RAG1: variants seen among roughly 807,000 people sequenced by gnomAD.
RAG1 encodes the protein recombination activating 1.
A neutral mutation model predicts 62.7 loss-of-function variants in RAG1; 35 were observed. The ratio of observed to expected loss-of-function variants is 0.56; its 90% CI spans 0.43 to 0.74. RAG1 has a LOEUF of 0.74. Ranked by LOEUF, RAG1 falls within the 30% of genes least tolerant of loss-of-function variation. The pLI, the probability that RAG1 is intolerant of heterozygous loss-of-function variation, is 0.00. For synonymous variants in RAG1, 461 were observed against 470.3 expected, an observed-to-expected ratio of 0.98 and a Z score of 0.26; for missense variants, 1,169 against 1,278.6, an observed-to-expected ratio of 0.91 and a Z score of 1.31.
At chr11:36,537,341 T>G (rs1219149642), downstream of RAG1, among the ~76,000 whole-genome samples, 1 of 151,978 alleles carries the variant, frequency 6.6e-6, no homozygotes, top group African/African-American at 2.4e-5. Context: ...CATAAGAAAA[T>G]TTTCGGAGGT....
chr11:36,550,071 A>G (rs932435519), intron 3 of RAG1, among the ~76,000 whole-genome samples: 1 of 152,192 alleles, frequency 6.6e-6, no homozygotes. Flanking sequence ...CAATGAGAAC[A>G]CATGGACACA....
chr11:36,551,864 T>G (rs1471039035), intron 3 of RAG1, among the ~76,000 whole-genome samples: 1 of 146,694 alleles, frequency 6.8e-6, no homozygotes, highest in Non-Finnish European at 1.5e-5. Context: ...GGTGTTTGTT[T>G]TTTGTTCTTG....
chr11:36,531,054 T>C (rs1018792982), intron 2 of RAG1, among the ~76,000 whole-genome samples: 2 of 9,836 alleles, frequency 2.0e-4, no homozygotes, highest in Non-Finnish European at 7.9e-4. Flanking sequence ...TCTTGATAGA[T>C]TAAGGGTTTT....
intron 1 of RAG1, among the ~76,000 whole-genome samples, chr11:36,570,200 G>T (rs1850720438): frequency 6.6e-6 from 1 of 152,086 alleles, no homozygotes; most frequent in South Asian, 2.1e-4. Flanking sequence ...TTGCATCAAA[G>T]ATAATATATT....
intron 3 of RAG1, among the ~76,000 whole-genome samples, chr11:36,551,199 A>G (rs761373667): frequency 2.0e-5 from 3 of 152,132 alleles, no homozygotes; most frequent in Non-Finnish European, 2.9e-5. Flanking sequence ...TTCTAGCTGT[A>G]TGTGCCTCAA....
intron 1 of RAG1, among the ~76,000 whole-genome samples, chr11:36,518,882 A>G (rs1186865756): frequency 6.6e-6 from 1 of 152,102 alleles, no homozygotes; most frequent in African/African-American, 2.4e-5. Context: ...TTTTGTTGCC[A>G]TTGCTTTTGG....
downstream of RAG1, among the ~76,000 whole-genome samples, chr11:36,540,554 G>A (rs1012363829): frequency 2.6e-5 from 4 of 152,172 alleles, no homozygotes; most frequent in Admixed American, 2.6e-4. Context: ...ACAGGCGCCC[G>A]CCACCACGCA....
chr11:36,515,791 C>T (rs1367919358), intron 1 of RAG1, among the ~76,000 whole-genome samples: 1 of 152,176 alleles, frequency 6.6e-6, no homozygotes, highest in African/African-American at 2.4e-5. Context: ...GAAGCAGAGT[C>T]TGAGCCACCA....
chr11:36,511,109 A>G (rs940210599), intron 1 of RAG1: 1 of 152,156 alleles, frequency 6.6e-6, no homozygotes, highest in Non-Finnish European at 1.5e-5. Flanking sequence ...AATAGTATCT[A>G]CCTCACAGGG....
rs4151025 is a variant in RAG1, at chr11:36,573,607, G to A, written c.303G>A (p.Ala101=). ...FHDNEKARGK[A]IHQANLRHLC... ...ACAACGAGAAAGCAAGAGGCAAAGCGATCCATCAAGCCAACCTTCGACATC... is the reference window on the plus strand; with the variant it reads ...ACAACGAGAAAGCAAGAGGCAAAGCAATCCATCAAGCCAACCTTCGACATC... The change falls in exon 2 of 2, where the codon GCG becomes GCA. Residue 101 remains alanine (A), a synonymous_variant. Transcript: ENST00000299440. The A allele has an allele frequency of 0.022, 34,886 of 1,614,136 alleles. 477 individuals are homozygous for A. The highest frequency in any genetic ancestry group is 0.027 in the South Asian group (2,424 of 91,064).
chr11:36,565,820 T>C (rs1157756632), upstream of RAG1: 1 of 152,196 alleles, frequency 6.6e-6, no homozygotes, highest in Non-Finnish European at 1.5e-5. Flanking sequence ...GACAAGTGAC[T>C]TGATTTCAAC....
chr11:36,566,876 G>A (rs1263322958), upstream of RAG1, among the ~76,000 whole-genome samples: 2 of 152,212 alleles, frequency 1.3e-5, no homozygotes, highest in Admixed American at 6.5e-5. Context: ...GATGTAAGAG[G>A]AGCGTCGAAT....
intron 2 of RAG1, among the ~76,000 whole-genome samples, chr11:36,521,884 G>A (rs545627838): frequency 6.6e-6 from 1 of 152,236 alleles, no homozygotes; most frequent in Admixed American, 6.5e-5. Context: ...GATGCATTTT[G>A]CCCCTGCCCT....
chr11:36,562,563 A>T (rs1850604978), intron 3 of RAG1, among the ~76,000 whole-genome samples: 2 of 152,282 alleles, frequency 1.3e-5, no homozygotes, highest in Middle Eastern at 3.4e-3. Flanking sequence ...TCAACATTAG[A>T]TGGATAATAA....
chr11:36,512,086 T>C (rs1020841261), intron 1 of RAG1, among the ~76,000 whole-genome samples: 2 of 152,230 alleles, frequency 1.3e-5, no homozygotes, highest in African/African-American at 4.8e-5. Context: ...ATTTATTCAA[T>C]ATAGGAGAGA....
Position 36,575,088 on chromosome 11 carries a change from C to T in RAG1, c.1784C>T (p.Thr595Ile). ...DLDDYLNGPF[T>I]VVVKESCDGM... ...GATGATTACCTGAATGGCCCCTTCA[C>T]TGTGGTGGTGAAGGAGTCTTGTGAT... Residue 595 changes from threonine to isoleucine, a missense_variant, in exon 2 of 2, where the codon ACT becomes ATT. Thr to Ile is a moderately conservative substitution (Grantham distance 89, BLOSUM62 -1). This residue lies in a region of RAG1 where 800 missense variants were observed against 943.3 expected (regional missense o/e 0.85). Transcript: ENST00000299440. This position sits in a 1 kb window ranked among gnomAD's most constrained non-coding sequence, Gnocchi z 4.1. 1 of 1,614,152 alleles carries T rather than the reference C, an allele frequency of 6.2e-7. No homozygotes were observed. Among genetic ancestry groups the T allele is most frequent in the South Asian group, 1.1e-5 (1 of 91,078 alleles).
At chr11:36,510,777 C>T (rs1044761740) in exon 1 of RAG1, 4 of 152,310 alleles carry the variant, frequency 2.6e-5, no homozygotes, top group African/African-American at 9.7e-5. Context: ...CTTTGAATTT[C>T]CTGCCAAGAA....
Position 36,559,481 on chromosome 11 carries a change from CA to C in RAG1, c.-411-3901del. On this transcript the variant is annotated intron_variant and NMD_transcript_variant, in intron 3 of 9. Coordinates refer to the RAG1 transcript ENST00000534663. ...CTCTGCCTTTTCCCTCTCTTCTTCT[CA>C]AACTCCCATAATTAAACATTAGTTC... is the stretch of plus-strand genomic sequence containing the variant. Among the ~76,000 whole-genome samples the C allele has an allele frequency of 2.6e-5, 4 of 152,286 alleles. No individual in the cohort carries two copies. In the South Asian group the frequency reaches 8.3e-4, roughly 32 times the overall value.
upstream of RAG1, among the ~76,000 whole-genome samples, chr11:36,565,336 A>G (rs1188360750): frequency 1.3e-5 from 2 of 152,144 alleles, no homozygotes; most frequent in African/African-American, 2.4e-5. Context: ...GGCCTTTGGG[A>G]GCCAAGGGGA....
Sources: allele counts gnomAD v4.1 joint callset (sites outside exome capture counted in the v4.1 genomes callset), GRCh38; gene constraint gnomAD v4.1.1; regional missense constraint gnomAD v4.1.1; non-coding constraint Gnocchi (gnomAD v3.1); transcripts MANE v1.5; gene names NCBI Gene and HGNC (gene_info 2026-07-23, HGNC 2026-07-21).